Variants in OPRM1 observed in about 807,000 individuals in gnomAD.
OPRM1 encodes the protein opioid receptor mu 1, also known as mu-type opioid receptor.
OPRM1 carries 27 observed loss-of-function variants against 31.8 expected under a neutral mutation model. That is an observed-to-expected ratio of 0.85 (90% CI 0.63 to 1.17). The LOEUF is 1.17. Among genes scored for constraint, OPRM1 ranks in the 50% most tolerant of loss-of-function variants. The pLI is 0.00. For synonymous variants in OPRM1, 196 were observed against 189.9 expected (o/e 1.03, Z -0.26); for missense variants, 536 against 511.1 (o/e 1.05, Z -0.47).
At chr6:154,074,142 G>A (rs530469702) in intron 1 of OPRM1, 37 of 152,306 alleles carry the variant, frequency 2.4e-4, no homozygotes, top group African/African-American at 8.9e-4. Flanking sequence ...GACAACCTGG[G>A]TTTCAATCCT....
chr6:154,155,012 G>A (rs928116919), intron 3 of OPRM1: 2 of 151,376 alleles, frequency 1.3e-5, no homozygotes, highest in African/African-American at 2.4e-5. Flanking sequence ...TGGGCTAAAG[G>A]TTAAAAAAAA....
At position 154,168,156 on chromosome 6, in the gene OPRM1, G is replaced by A. The variant is rs1799582860; in HGVS notation, c.1164+76684G>A. The A allele has an allele frequency of 7.0e-7, 1 of 1,433,578 alleles. No homozygotes were observed. Among genetic ancestry groups the A allele is most frequent in the Non-Finnish European group, 9.4e-7 (1 of 1,059,558 alleles). The allele number at this position is 1,433,578 out of a possible 1,614,324, so 88.8% of individuals were successfully genotyped here. On this transcript the variant is annotated intron_variant, in intron 3 of 3. Coordinates refer to the OPRM1 transcript ENST00000337049. The surrounding 1 kb of genome is among the most constrained non-coding windows in gnomAD (Gnocchi z 4.1). ...AGAAAGCAGTAACAATAAACCCAGT[G>A]AAAAATCAAGGAGAGAACATTCAAT... is the stretch of plus-strand genomic sequence containing the variant.
chr6:154,118,791 A>G lies in OPRM1; in HGVS notation c.*70A>G. The G allele has an allele frequency of 6.2e-7, 1 of 1,603,094 alleles. No individual in the cohort carries two copies. Among genetic ancestry groups the G allele is most frequent in the South Asian group, 1.1e-5 (1 of 89,614 alleles). The stretch of plus-strand genomic sequence containing the variant: ...CATGTATGTGGAAGCAGGTTGCTTC[A>G]AGAATGTGTAGGAGGCTCTAATTCT... On this transcript the variant is annotated 3_prime_UTR_variant, in exon 4 of 4. Transcript: ENST00000330432.
At chr6:154,093,819 G>A (rs1792865129) in intron 3 of OPRM1, among the ~76,000 whole-genome samples, 1 of 152,174 alleles carries the variant, frequency 6.6e-6, no homozygotes, top group Non-Finnish European at 1.5e-5. Flanking sequence ...AATCTCCACT[G>A]ATGTGTCATC....
chr6:154,228,318 A>G (rs1219905415), intron 3 of OPRM1, among the ~76,000 whole-genome samples: 1 of 150,558 alleles, frequency 6.6e-6, no homozygotes, highest in Non-Finnish European at 1.5e-5. Context: ...AAAAAAAAAA[A>G]AGTTTCCTCC....
chr6:154,218,444 T>C (rs909278200), intron 3 of OPRM1, among the ~76,000 whole-genome samples: 8 of 152,172 alleles, frequency 5.3e-5, no homozygotes, highest in African/African-American at 1.7e-4. Flanking sequence ...CTGAGAGAAA[T>C]GTCACTATCC....
Position 154,098,841 on chromosome 6 carries a change from C to G in OPRM1, c.1164+7369C>G, listed in dbSNP as rs1157733670. Among the ~76,000 whole-genome samples the G allele has an allele frequency of 2.0e-5, 3 of 152,130 alleles. No individual in the cohort carries two copies. The East Asian group carries it at 5.8e-4, about 29-fold the overall frequency. ...AAAATTTGTCTTATTGATAATTTTC[C>G]TTTTCTAATTATTATTTCCCTGGAA... is the stretch of plus-strand genomic sequence containing the variant. On this transcript the variant is annotated intron_variant, in intron 3 of 3. Coordinates refer to ENST00000330432, the MANE Select transcript of OPRM1 (RefSeq NM_000914.5).
intron 3 of OPRM1, among the ~76,000 whole-genome samples, chr6:154,149,175 C>A (rs1798431541): frequency 6.6e-6 from 1 of 152,218 alleles, no homozygotes; most frequent in Non-Finnish European, 1.5e-5. Flanking sequence ...CACAGTTCCA[C>A]GTGGCTGGGG....
At chr6:154,132,584 A>T (rs1203991307), downstream of OPRM1, among the ~76,000 whole-genome samples, 2 of 152,252 alleles carry the variant, frequency 1.3e-5, no homozygotes, top group South Asian at 4.1e-4. Context: ...TAACTTCCTA[A>T]GCTAGAATTC....
chr6:154,183,006 C>T (rs997820648), intron 3 of OPRM1, among the ~76,000 whole-genome samples: 4 of 151,126 alleles, frequency 2.6e-5, no homozygotes, highest in African/African-American at 9.8e-5. Context: ...TTGAGACGGA[C>T]TCTCGCTCTG....
At chr6:154,181,886 T>C (rs998751345) in intron 3 of OPRM1, among the ~76,000 whole-genome samples, 5 of 152,114 alleles carry the variant, frequency 3.3e-5, no homozygotes, top group Non-Finnish European at 5.9e-5. Context: ...TAAATACATG[T>C]GTACAAGACT....
At chr6:154,092,597 A>G (rs1792530235) in intron 3 of OPRM1, among the ~76,000 whole-genome samples, 2 of 152,210 alleles carry the variant, frequency 1.3e-5, no homozygotes, top group African/African-American at 4.8e-5. Flanking sequence ...TTGCCACCAC[A>G]GGGTGCAGTG....
At chr6:154,079,799 T>C (rs1235716075) in intron 1 of OPRM1, among the ~76,000 whole-genome samples, 1 of 152,118 alleles carries the variant, frequency 6.6e-6, no homozygotes, top group Non-Finnish European at 1.5e-5. Flanking sequence ...AGCCTTGAAT[T>C]CCTAGGCTCT....
chr6:154,088,712 A>G (rs1791259246), intron 1 of OPRM1, among the ~76,000 whole-genome samples: 1 of 152,208 alleles, frequency 6.6e-6, no homozygotes, highest in South Asian at 2.1e-4. Flanking sequence ...CCACCTCAAT[A>G]AAGCATTAAA....
intron 1 of OPRM1, among the ~76,000 whole-genome samples, chr6:154,059,502 T>C (rs1038168173): frequency 6.6e-6 from 1 of 152,168 alleles, no homozygotes; most frequent in African/African-American, 2.4e-5. Flanking sequence ...GGAGATCTAG[T>C]CAGGCTTCCT....
intron 1 of OPRM1, among the ~76,000 whole-genome samples, chr6:154,023,912 C>A (rs1778534094): frequency 6.6e-6 from 1 of 151,942 alleles, no homozygotes; most frequent in African/African-American, 2.4e-5. Flanking sequence ...GATGAATTAT[C>A]TTTTTAATAT....
At chr6:154,225,804 T>C (rs1487705207) in intron 3 of OPRM1, among the ~76,000 whole-genome samples, 2 of 152,230 alleles carry the variant, frequency 1.3e-5, no homozygotes, top group East Asian at 3.8e-4. Flanking sequence ...TTATGTAAAT[T>C]TCCATAATTG....
chr6:154,038,478 G>A (rs1256437935), upstream of OPRM1, among the ~76,000 whole-genome samples: 1 of 152,150 alleles, frequency 6.6e-6, no homozygotes, highest in Non-Finnish European at 1.5e-5. Flanking sequence ...CATATATTAT[G>A]TGGCTTTTCC....
intron 3 of OPRM1, among the ~76,000 whole-genome samples, chr6:154,207,021 G>A (rs1332680790): frequency 6.6e-6 from 1 of 152,216 alleles, no homozygotes; most frequent in Admixed American, 6.5e-5. Context: ...GATCAGAACC[G>A]CATCTTAGGA....
Sources: allele counts gnomAD v4.1 joint callset (sites outside exome capture counted in the v4.1 genomes callset), GRCh38; gene constraint gnomAD v4.1.1; non-coding constraint Gnocchi (gnomAD v3.1); transcripts MANE v1.5; gene names NCBI Gene and HGNC (gene_info 2026-07-23, HGNC 2026-07-21).